Variants in GALM observed in about 807,000 individuals in gnomAD.
GALM encodes the protein aldose 1-epimerase.
In GALM, 43 loss-of-function variants were observed where a neutral mutation model predicts 37.4. That is an observed-to-expected ratio of 1.15 (90% CI 0.90 to 1.48). The LOEUF is 1.48. Ranked by LOEUF, GALM falls within the 40% of genes most tolerant of loss-of-function variation. The pLI, the probability that GALM is intolerant of heterozygous loss-of-function variation, is 0.00. For synonymous variants in GALM, 199 were observed against 170.6 expected (o/e 1.17, Z -1.30); for missense variants, 456 against 419.1 (o/e 1.09, Z -0.77).
At chr2:38,673,452 T>C (rs1467863025) in intron 1 of GALM, among the ~76,000 whole-genome samples, 1 of 152,152 alleles carries the variant, frequency 6.6e-6, no homozygotes, top group Non-Finnish European at 1.5e-5. Context: ...TACCATAATA[T>C]GCCCACGCCC....
At chr2:38,691,985 C>G (rs142521042) in intron 4 of GALM, among the ~76,000 whole-genome samples, 1,537 of 152,250 alleles carry the variant, frequency 0.01, 28 homozygotes, top group African/African-American at 0.028. Flanking sequence ...ACTCATAATT[C>G]AGAACTAGTA....
chr2:38,696,207 C>T (rs1665801160), intron 4 of GALM, among the ~76,000 whole-genome samples: 1 of 151,916 alleles, frequency 6.6e-6, no homozygotes, highest in African/African-American at 2.4e-5. Context: ...GCAACCTCCA[C>T]CTCCCGGGTT....
intron 4 of GALM, among the ~76,000 whole-genome samples, chr2:38,708,197 G>C (rs1666079705): frequency 6.6e-6 from 1 of 152,046 alleles, no homozygotes; most frequent in Non-Finnish European, 1.5e-5. Flanking sequence ...TTGCTTGGGA[G>C]ACCGAGGCAA....
intron 4 of GALM, among the ~76,000 whole-genome samples, chr2:38,703,054 T>TATATA (rs1665951434): frequency 8.6e-4 from 12 of 13,954 alleles, no homozygotes; most frequent in African/African-American, 2.2e-3. Flanking sequence ...ATGTGGGATT[T>TATATA]TATATATATA....
At chr2:38,722,373 C>T (rs1013193906) in intron 4 of GALM, among the ~76,000 whole-genome samples, 4 of 152,088 alleles carry the variant, frequency 2.6e-5, no homozygotes, top group African/African-American at 9.7e-5. Context: ...TCTAGTGGGC[C>T]CTTGATGCTG....
chr2:38,728,309 A>AACCTGGGAGGCTGAGGTGGGAGAATCG (rs1558598385), intron 4 of GALM, among the ~76,000 whole-genome samples: 1 of 151,062 alleles, frequency 6.6e-6, no homozygotes, highest in African/African-American at 2.4e-5. Context: ...TGGGAGAATC[A>AACCTGGGAGGCTGAGGTGGGAGAATCG]CTTGAACCTG....
intron 4 of GALM, among the ~76,000 whole-genome samples, chr2:38,718,594 T>C (rs1223098750): frequency 1.3e-5 from 2 of 151,964 alleles, no homozygotes; most frequent in African/African-American, 2.4e-5. Flanking sequence ...TCAGATTTCC[T>C]TTCTTTTTTC....
At chr2:38,709,123 C>G (rs1572533650) in intron 4 of GALM, among the ~76,000 whole-genome samples, 1 of 151,448 alleles carries the variant, frequency 6.6e-6, no homozygotes, top group East Asian at 1.9e-4. Context: ...TGGGCCTAGA[C>G]AGGTAGGCAG....
intron 3 of GALM, among the ~76,000 whole-genome samples, chr2:38,688,909 C>T (rs1558583287): frequency 6.6e-6 from 1 of 152,170 alleles, no homozygotes; most frequent in African/African-American, 2.4e-5. Context: ...CAACCTCCAC[C>T]TCCCGGGTTC....
At chr2:38,729,218 C>T (rs536314726) in intron 4 of GALM, among the ~76,000 whole-genome samples, 9 of 151,604 alleles carry the variant, frequency 5.9e-5, no homozygotes, top group Admixed American at 3.3e-4. Flanking sequence ...AAGACAGTCT[C>T]ATTCTGTTAC....
chr2:38,720,639 A>G (rs1666357166), intron 4 of GALM, among the ~76,000 whole-genome samples: 1 of 152,190 alleles, frequency 6.6e-6, no homozygotes, highest in South Asian at 2.1e-4. Flanking sequence ...TAGACAGGGC[A>G]CATCTTGTCT....
chr2:38,667,303 T>C (rs1353406926), intron 1 of GALM, among the ~76,000 whole-genome samples: 2 of 152,128 alleles, frequency 1.3e-5, no homozygotes, highest in African/African-American at 4.8e-5. Context: ...TGGTGTGTCA[T>C]TCTGTCTGTT....
intron 1 of GALM, chr2:38,668,907 A>G (rs900161643): frequency 2.0e-5 from 3 of 152,206 alleles, no homozygotes; most frequent in African/African-American, 7.2e-5. Flanking sequence ...GAGCGTGGAT[A>G]ATTCCATGAG....
chr2:38,727,175 C>T (rs1370864353), intron 4 of GALM, among the ~76,000 whole-genome samples: 1 of 150,442 alleles, frequency 6.6e-6, no homozygotes, highest in African/African-American at 2.4e-5. Context: ...AAGGTTGAGC[C>T]ACTGCACTCC....
At chr2:38,682,483 T>C (rs530763328) in intron 3 of GALM, among the ~76,000 whole-genome samples, 126 of 152,250 alleles carry the variant, frequency 8.3e-4, no homozygotes, top group African/African-American at 3.0e-3. Context: ...TTTTCTAGAA[T>C]TTTCCCAAAT....
At chr2:38,685,545 C>T (rs1196580653) in intron 3 of GALM, among the ~76,000 whole-genome samples, 2 of 152,134 alleles carry the variant, frequency 1.3e-5, no homozygotes, top group Non-Finnish European at 2.9e-5. Context: ...CCAAAACAAA[C>T]ACTGAACCCA....
At chr2:38,689,076 T>TA (rs932526204) in intron 3 of GALM, among the ~76,000 whole-genome samples, 9 of 152,324 alleles carry the variant, frequency 5.9e-5, no homozygotes, top group Non-Finnish European at 8.8e-5. Flanking sequence ...TGCCTCGGCC[T>TA]CCCAAAATGC....
chr2:38,721,000 G>A (rs1460595861), intron 4 of GALM, among the ~76,000 whole-genome samples: 2 of 152,184 alleles, frequency 1.3e-5, no homozygotes, highest in Admixed American at 1.3e-4. Context: ...CAGACTCCAC[G>A]GCTCAGTGAA....
intron 2 of GALM, among the ~76,000 whole-genome samples, chr2:38,676,953 G>T (rs79888148): frequency 0.022 from 3,406 of 152,258 alleles, 111 homozygotes; most frequent in African/African-American, 0.077. Flanking sequence ...GCATGGCGCT[G>T]CACCAAGGCC....
Sources: gnomAD v4.1 joint callset for allele counts (sites outside exome capture counted in the v4.1 genomes callset) on GRCh38, gnomAD v4.1.1 for gene constraint, MANE v1.5 for transcripts, NCBI Gene and HGNC (gene_info 2026-07-23, HGNC 2026-07-21) for gene names.